ASIC2: variants seen among roughly 807,000 people sequenced by gnomAD.
ASIC2 encodes the protein acid sensing ion channel subunit 2, also known as acid-sensing ion channel 2.
A neutral mutation model predicts 57.3 loss-of-function variants in ASIC2; 25 were observed. The observed-to-expected ratio is 0.44, with a 90% CI of 0.32 to 0.61. ASIC2 has a LOEUF of 0.61. ASIC2 is among the 20% of genes least tolerant of loss of function. The probability of loss-of-function intolerance (pLI) is 0.06; values close to 1 mark genes in which losing one functional copy is unlikely to be tolerated. For synonymous variants in ASIC2, 319 were observed against 307.5 expected (o/e 1.04, Z -0.39); for missense variants, 641 against 738.1 (o/e 0.87, Z 1.52).
At chr17:33,188,863 G>A (rs1906305522) in intron 1 of ASIC2, among the ~76,000 whole-genome samples, 1 of 151,968 alleles carries the variant, frequency 6.6e-6, no homozygotes, top group Admixed American at 6.6e-5. Context: ...TTTACATAAG[G>A]AATATGTGAG....
At chr17:34,024,700 G>A (rs1027637062) in intron 1 of ASIC2, among the ~76,000 whole-genome samples, 14 of 152,182 alleles carry the variant, frequency 9.2e-5, no homozygotes, top group South Asian at 4.1e-4. Context: ...CCTGGCCAGC[G>A]TGGGGAGGGG....
intron 1 of ASIC2, among the ~76,000 whole-genome samples, chr17:33,579,636 G>C (rs913019003): frequency 1.3e-5 from 2 of 151,788 alleles, no homozygotes; most frequent in Non-Finnish European, 2.9e-5. Context: ...AGCTGCGTCT[G>C]AAGTTTCTTC....
At chr17:33,362,662 G>A (rs1180747028) in intron 1 of ASIC2, among the ~76,000 whole-genome samples, 1 of 152,222 alleles carries the variant, frequency 6.6e-6, no homozygotes, top group African/African-American at 2.4e-5. Flanking sequence ...GGATAGGAGA[G>A]CCCTTACTCC....
At chr17:34,028,088 G>A (rs1907446064) in intron 1 of ASIC2, among the ~76,000 whole-genome samples, 1 of 152,208 alleles carries the variant, frequency 6.6e-6, no homozygotes, top group Non-Finnish European at 1.5e-5. Flanking sequence ...GCAGAATATA[G>A]TACGTAGGTA....
chr17:33,995,168 G>T (rs1158080641), intron 1 of ASIC2, among the ~76,000 whole-genome samples: 1 of 152,178 alleles, frequency 6.6e-6, no homozygotes, highest in Non-Finnish European at 1.5e-5. Context: ...TCCCACTGGA[G>T]CTGTGAAGCA....
chr17:33,178,862 T>C (rs932912778), intron 1 of ASIC2, among the ~76,000 whole-genome samples: 2 of 152,166 alleles, frequency 1.3e-5, no homozygotes, highest in Admixed American at 1.3e-4. Flanking sequence ...CCCGACAGCC[T>C]CCCTGTAGCA....
At chr17:33,681,699 G>A (rs1908006037) in intron 1 of ASIC2, among the ~76,000 whole-genome samples, 1 of 152,168 alleles carries the variant, frequency 6.6e-6, no homozygotes, top group Non-Finnish European at 1.5e-5. Context: ...TCCTTCACCT[G>A]GTCGGCTCTA....
In ASIC2 at chr17:33,500,440, C is replaced by A. The variant is rs554557496; in HGVS notation, c.556-388373G>T. Among the ~76,000 whole-genome samples, 4 of 152,358 alleles carry A rather than the reference C, an allele frequency of 2.6e-5. No homozygotes were observed. The South Asian group carries it at 8.3e-4, about 32-fold the overall frequency. On this transcript the variant is annotated intron_variant, in intron 1 of 9. Transcript: ENST00000359872. ...CACAATGGCCCATGGAATGGCTCCT[C>A]CTTATCTGAGGCCTGGGACAGGCCT...
intron 1 of ASIC2, among the ~76,000 whole-genome samples, chr17:33,422,657 T>C (rs892198619): frequency 6.6e-6 from 1 of 152,202 alleles, no homozygotes; most frequent in Non-Finnish European, 1.5e-5. Flanking sequence ...ATGCAGATGC[T>C]GTGGTACATC....
intron 3 of ASIC2, among the ~76,000 whole-genome samples, chr17:33,036,273 C>T (rs2091908137): frequency 6.6e-6 from 1 of 152,048 alleles, no homozygotes; most frequent in African/African-American, 2.4e-5. Context: ...GTAGCCTGTG[C>T]AAGATCACAT....
intron 1 of ASIC2, among the ~76,000 whole-genome samples, chr17:34,110,486 A>AG (rs1911230956): frequency 6.6e-6 from 1 of 152,206 alleles, no homozygotes; most frequent in Non-Finnish European, 1.5e-5. Context: ...TGGGATTAGC[A>AG]GCTGTGCCAG....
At chr17:33,187,905 G>GAA (rs60454518) in intron 1 of ASIC2, among the ~76,000 whole-genome samples, 2 of 90,756 alleles carry the variant, frequency 2.2e-5, no homozygotes, top group South Asian at 3.1e-4. Context: ...GGTCAGGGAT[G>GAA]AAAAAAAAAA....
intron 1 of ASIC2, among the ~76,000 whole-genome samples, chr17:33,576,377 T>C (rs1417071951): frequency 6.6e-6 from 1 of 152,214 alleles, no homozygotes; most frequent in East Asian, 1.9e-4. Flanking sequence ...CAGGTATAGA[T>C]GTGACTAGGT....
chr17:33,526,906 A>C (rs1914901190), intron 1 of ASIC2, among the ~76,000 whole-genome samples: 1 of 152,248 alleles, frequency 6.6e-6, no homozygotes, highest in African/African-American at 2.4e-5. Flanking sequence ...TCCCTAATCA[A>C]AACACAGGCA....
chr17:33,631,322 A>ATTTT (rs113222295), intron 1 of ASIC2, among the ~76,000 whole-genome samples: 1 of 134,524 alleles, frequency 7.4e-6, no homozygotes, highest in Non-Finnish European at 1.6e-5. Context: ...GCTTTTAGTG[A>ATTTT]TTTTTTTTTT....
intron 1 of ASIC2, among the ~76,000 whole-genome samples, chr17:34,042,319 C>A (rs1398532657): frequency 1.3e-5 from 2 of 152,044 alleles, no homozygotes; most frequent in African/African-American, 2.4e-5. Context: ...CTGGTAACAA[C>A]CCAAACATCC....
intron 1 of ASIC2, among the ~76,000 whole-genome samples, chr17:33,605,089 C>T (rs1178359063): frequency 6.6e-6 from 1 of 152,194 alleles, no homozygotes; most frequent in South Asian, 2.1e-4. Flanking sequence ...GAAATCCTGA[C>T]ACTCTGACAG....
intron 1 of ASIC2, among the ~76,000 whole-genome samples, chr17:33,864,766 A>C (rs1323387280): frequency 6.6e-6 from 1 of 152,156 alleles, no homozygotes. Context: ...GGAAGCTTAC[A>C]ATGCAGAGGC....
At chr17:33,045,384 G>T (rs1598250930) in intron 3 of ASIC2, among the ~76,000 whole-genome samples, 1 of 152,210 alleles carries the variant, frequency 6.6e-6, no homozygotes, top group African/African-American at 2.4e-5. Context: ...GCTGTCAGCG[G>T]CGCCGGAAGC....
Sources: gnomAD v4.1 joint callset for allele counts (sites outside exome capture counted in the v4.1 genomes callset) on GRCh38, gnomAD v4.1.1 for gene constraint, MANE v1.5 for transcripts, NCBI Gene and HGNC (gene_info 2026-07-23, HGNC 2026-07-21) for gene names.